EPDR1: variants seen among roughly 807,000 people sequenced by gnomAD.
EPDR1 encodes ependymin related 1.
In EPDR1, 27 loss-of-function variants were observed where a neutral mutation model predicts 23.7. The ratio of observed to expected loss-of-function variants is 1.14; its 90% CI spans 0.84 to 1.57. EPDR1 has a LOEUF of 1.57. EPDR1 is among the 40% of genes most tolerant of loss of function. The pLI, the probability that EPDR1 is intolerant of heterozygous loss-of-function variation, is 0.00. For missense variants in EPDR1, 349 were observed against 290.4 expected (o/e 1.20, Z -1.47); for synonymous variants, 137 against 118.2 (o/e 1.16, Z -1.03).
intron 1 of EPDR1, among the ~76,000 whole-genome samples, chr7:37,935,773 T>C (rs1437767047): frequency 1.3e-5 from 2 of 151,220 alleles, no homozygotes; most frequent in Non-Finnish European, 3.0e-5. Flanking sequence ...AGTGTTTTTG[T>C]TGGGTAGGGG....
Position 37,949,019 on chromosome 7 carries a change from A to G in EPDR1, c.449A>G (p.Glu150Gly). 1 of 1,614,144 alleles carries G rather than the reference A, an allele frequency of 6.2e-7. No homozygotes were observed. Among genetic ancestry groups the G allele is most frequent in the Non-Finnish European group, 8.5e-7 (1 of 1,180,010 alleles). Reference sequence around the variant, plus strand: ...CCTCAGGAGCAGATCACCGTCCAGGAGTGGTCGGACAGAAAGTCAGCTAGA... The same window carrying G: ...CCTCAGGAGCAGATCACCGTCCAGGGGTGGTCGGACAGAAAGTCAGCTAGA... ...GGPQEQITVQ[E>G]WSDRKSARSY... Residue 150 changes from glutamate to glycine, a missense_variant, in exon 2 of 3, where the codon GAG becomes GGG. Coordinates refer to ENST00000199448, the MANE Select transcript of EPDR1 (RefSeq NM_017549.5).
intron 1 of EPDR1, among the ~76,000 whole-genome samples, chr7:37,939,628 A>G (rs1279002980): frequency 2.6e-5 from 4 of 152,180 alleles, no homozygotes; most frequent in Non-Finnish European, 5.9e-5. Context: ...TGTTTTGGTG[A>G]AAAAAGTTGG....
chr7:37,920,793 A>C lies in EPDR1; in HGVS notation c.-147A>C. The C allele has an allele frequency of 6.2e-7, 1 of 1,610,094 alleles. No homozygotes were observed. Among genetic ancestry groups the C allele is most frequent in the Non-Finnish European group, 8.5e-7 (1 of 1,178,022 alleles). On this transcript the variant is annotated 5_prime_UTR_variant, in exon 1 of 3. Transcript: ENST00000199448. ...CGCGTCCGGATCTCAAAAGCGGCAG[A>C]GGCCACCGAAGGGACAGGAAGCACT...
intron 1 of EPDR1, among the ~76,000 whole-genome samples, chr7:37,924,337 G>A (rs897960006): frequency 6.6e-6 from 1 of 152,178 alleles, no homozygotes; most frequent in East Asian, 1.9e-4. Flanking sequence ...TGGTAATCAG[G>A]CAAAGGCAAA....
intron 1 of EPDR1, among the ~76,000 whole-genome samples, chr7:37,924,334 C>A (rs1312347783): frequency 6.6e-6 from 1 of 152,170 alleles, no homozygotes; most frequent in Non-Finnish European, 1.5e-5. Context: ...TAATGGTAAT[C>A]AGGCAAAGGC....
At chr7:37,941,589 C>T (rs1222950303) in intron 1 of EPDR1, among the ~76,000 whole-genome samples, 1 of 152,194 alleles carries the variant, frequency 6.6e-6, no homozygotes, top group African/African-American at 2.4e-5. Flanking sequence ...AATTTAAATG[C>T]CACCATGAGG....
chr7:37,949,225 A>G (rs751278774), intron 2 of EPDR1, among the ~76,000 whole-genome samples, 177 bp downstream of exon 2: 49 of 152,338 alleles, frequency 3.2e-4, no homozygotes, highest in Non-Finnish European at 5.9e-4. Context: ...TCTAAGCTTC[A>G]TATTTGAAAC....
rs1786379818 is a variant in EPDR1, at chr7:37,950,452, G to A, written c.*56G>A. On this transcript the variant is annotated 3_prime_UTR_variant, in exon 3 of 3. Transcript: ENST00000199448. Reference sequence around the variant, plus strand: ...TGTCAGCCCCCTGCGGCCCCAGCTGGAGATGGATATGAGACTAGTCAAGAT... The same window carrying A: ...TGTCAGCCCCCTGCGGCCCCAGCTGAAGATGGATATGAGACTAGTCAAGAT... 2 of 1,471,896 alleles carry A rather than the reference G, an allele frequency of 1.4e-6. No homozygotes were observed. Among genetic ancestry groups the A allele is most frequent in the South Asian group, 1.3e-5 (1 of 76,924 alleles). 91.2% of individuals were successfully genotyped at this position (1,471,896 alleles called of 1,614,324 possible). A position where few individuals can be genotyped will look rare whatever the true frequency, so the allele number is the denominator to read the frequency against.
intron 1 of EPDR1, among the ~76,000 whole-genome samples, chr7:37,928,952 C>A (rs1030817120): frequency 1.3e-5 from 2 of 152,158 alleles, no homozygotes; most frequent in South Asian, 2.1e-4. Flanking sequence ...CACATAGAAA[C>A]CCCAGGGGTT....
At position 37,922,493 on chromosome 7, in the gene EPDR1, T is replaced by C. The variant is rs574492983; in HGVS notation, c.269+1285T>C. Among the ~76,000 whole-genome samples, 9 of 152,304 alleles carry C rather than the reference T, an allele frequency of 5.9e-5. No individual in the cohort carries two copies. The South Asian group carries it at 1.7e-3, about 28-fold the overall frequency. ...ATAACAACTAACAGTTGCATACTTA[T>C]TATATATGAGGCATGACACTGAGGA... On this transcript the variant is annotated intron_variant, in intron 1 of 2. Transcript: ENST00000199448.
chr7:37,940,344 C>G (rs754630884), intron 1 of EPDR1, among the ~76,000 whole-genome samples: 10 of 152,106 alleles, frequency 6.6e-5, no homozygotes, highest in Admixed American at 1.3e-4. Flanking sequence ...CCTCAACGTA[C>G]CATTTTCTGT....
At chr7:37,940,570 G>A (rs1335574913) in intron 1 of EPDR1, among the ~76,000 whole-genome samples, 1 of 152,130 alleles carries the variant, frequency 6.6e-6, no homozygotes, top group Non-Finnish European at 1.5e-5. Context: ...CTAAGGATAA[G>A]AGGAACTACA....
At chr7:37,947,089 CCACT>C (rs762920830) in intron 1 of EPDR1, among the ~76,000 whole-genome samples, 38 of 152,180 alleles carry the variant, frequency 2.5e-4, no homozygotes, top group Non-Finnish European at 4.3e-4. Context: ...CATTCTGTCA[CCACT>C]CACTCACTCA....
At chr7:37,938,694 A>G (rs1291580657) in intron 1 of EPDR1, among the ~76,000 whole-genome samples, 1 of 152,208 alleles carries the variant, frequency 6.6e-6, no homozygotes, top group African/African-American at 2.4e-5. Context: ...TTGTAGCGGT[A>G]AAGCCATGTT....
At chr7:37,938,190 C>T (rs570918841) in intron 1 of EPDR1, among the ~76,000 whole-genome samples, 157 of 151,878 alleles carry the variant, frequency 1.0e-3, no homozygotes, top group African/African-American at 3.6e-3. Flanking sequence ...TGGGGTTTCA[C>T]CATGTTAGCC....
intron 1 of EPDR1, among the ~76,000 whole-genome samples, chr7:37,921,981 C>T (rs1173547281): frequency 1.3e-5 from 2 of 152,176 alleles, no homozygotes; most frequent in Non-Finnish European, 2.9e-5. Flanking sequence ...TTCACCTTTT[C>T]ACATCTGTTG....
At chr7:37,928,605 C>T (rs904985142) in intron 1 of EPDR1, among the ~76,000 whole-genome samples, 5 of 152,186 alleles carry the variant, frequency 3.3e-5, no homozygotes, top group South Asian at 4.1e-4. Flanking sequence ...GATCAGTCCT[C>T]ATCTTATTGT....
intron 1 of EPDR1, among the ~76,000 whole-genome samples, chr7:37,938,379 C>A (rs773833543): frequency 6.6e-6 from 1 of 152,120 alleles, no homozygotes; most frequent in African/African-American, 2.4e-5. Context: ...GATTTCCCAT[C>A]AAAAATCTCA....
chr7:37,941,652 A>G (rs948908559), intron 1 of EPDR1, among the ~76,000 whole-genome samples: 1 of 152,242 alleles, frequency 6.6e-6, no homozygotes, highest in African/African-American at 2.4e-5. Flanking sequence ...GAACTCTTCA[A>G]AGAGTCAATG....
Sources: gnomAD v4.1 joint callset for allele counts (sites outside exome capture counted in the v4.1 genomes callset) on GRCh38, gnomAD v4.1.1 for gene constraint, MANE v1.5 for transcripts, NCBI Gene and HGNC (gene_info 2026-07-23, HGNC 2026-07-21) for gene names.